Variants in EYS observed in about 807,000 individuals in gnomAD.
EYS encodes EGF-like photoreceptor maintenance factor.
Under a neutral mutation model 282.1 loss-of-function variants are expected in EYS, and 250 were observed. The observed-to-expected ratio is 0.89, with a 90% CI of 0.80 to 0.98. The LOEUF is 0.98. EYS is among the 50% of genes least tolerant of loss of function. The pLI, the probability that EYS is intolerant of heterozygous loss-of-function variation, is 0.00. For synonymous variants in EYS, 1,355 were observed against 1,282.9 expected, an observed-to-expected ratio of 1.06 and a Z score of -1.20; for missense variants, 4,016 against 3,709.0, an observed-to-expected ratio of 1.08 and a Z score of -2.15.
At chr6:64,404,567 C>G (rs926506645) in intron 28 of EYS, among the ~76,000 whole-genome samples, 1 of 152,174 alleles carries the variant, frequency 6.6e-6, no homozygotes, top group Non-Finnish European at 1.5e-5. Context: ...TACCACGTGT[C>G]AGGCAAGACA....
intron 10 of EYS, among the ~76,000 whole-genome samples, chr6:65,338,049 T>C (rs1770053665): frequency 6.6e-6 from 1 of 151,218 alleles, no homozygotes; most frequent in Non-Finnish European, 1.5e-5. Context: ...CCACATAACA[T>C]TTTGTCTAAG....
At chr6:65,621,455 G>A (rs1209075612) in intron 2 of EYS, among the ~76,000 whole-genome samples, 3 of 150,400 alleles carry the variant, frequency 2.0e-5, no homozygotes, top group South Asian at 2.2e-4. Context: ...GTCTCTGCAC[G>A]TGAGATGGGT....
chr6:64,963,057 G>A lies in EYS; in HGVS notation c.2260-17143C>T, dbSNP rs151218690. 9.9e-3 allele frequency among the ~76,000 whole-genome samples: 1,502 copies of A among 152,136 alleles called. 25 individuals are homozygous for A. Among genetic ancestry groups the A allele is most frequent in the African/African-American group, 0.034 (1,399 of 41,494 alleles). On this transcript the variant is annotated intron_variant, in intron 14 of 42. Transcript: ENST00000503581. ...AAAAGATATGCATATGAATGTGTGC[G>A]TGCATGTATTATTCTGAGTGTCACT...
intron 26 of EYS, among the ~76,000 whole-genome samples, chr6:64,584,964 T>A (rs1182011161): frequency 6.6e-6 from 1 of 152,134 alleles, no homozygotes; most frequent in African/African-American, 2.4e-5. Context: ...GACCCAGCAA[T>A]ATCGTTACTG....
At chr6:64,784,633 C>T (rs368495469) in intron 22 of EYS, among the ~76,000 whole-genome samples, 31 of 152,074 alleles carry the variant, frequency 2.0e-4, no homozygotes, top group African/African-American at 7.5e-4. Context: ...GAGGTTTCAG[C>T]TGTCTTAGAT....
At chr6:65,401,998 G>A (rs1439927222) in intron 7 of EYS, among the ~76,000 whole-genome samples, 1 of 151,744 alleles carries the variant, frequency 6.6e-6, no homozygotes, top group Non-Finnish European at 1.5e-5. Flanking sequence ...AGTAATCTGT[G>A]GCAAATTATT....
At chr6:64,686,410 CA>C (rs1259135422) in intron 22 of EYS, among the ~76,000 whole-genome samples, 1 of 151,462 alleles carries the variant, frequency 6.6e-6, no homozygotes, top group Non-Finnish European at 1.5e-5. Context: ...CAAACATTAC[CA>C]ATATGATAAA....
chr6:64,470,971 A>G (rs73767817), intron 26 of EYS, among the ~76,000 whole-genome samples: 5,728 of 152,256 alleles, frequency 0.038, 339 homozygotes, highest in African/African-American at 0.13. Context: ...ACATCCATAC[A>G]TAAAAAGCTG....
At chr6:63,982,820 A>G (rs890209951) in intron 35 of EYS, among the ~76,000 whole-genome samples, 1 of 151,748 alleles carries the variant, frequency 6.6e-6, no homozygotes, top group African/African-American at 2.4e-5. Context: ...AGAAAACACA[A>G]TTCTTGTAAC....
intron 5 of EYS, among the ~76,000 whole-genome samples, chr6:65,440,630 A>G (rs1157133079): frequency 1.3e-5 from 2 of 151,256 alleles, no homozygotes; most frequent in Non-Finnish European, 3.0e-5. Flanking sequence ...CATTTCCTCC[A>G]TAAACATCCT....
intron 2 of EYS, among the ~76,000 whole-genome samples, chr6:65,631,726 G>A (rs1436193013): frequency 2.0e-5 from 3 of 152,114 alleles, no homozygotes; most frequent in Non-Finnish European, 4.4e-5. Context: ...ATAAGATTGT[G>A]TCAGCAGTTC....
chr6:65,431,710 T>G (rs1767896591), intron 5 of EYS, among the ~76,000 whole-genome samples: 1 of 152,080 alleles, frequency 6.6e-6, no homozygotes, highest in Non-Finnish European at 1.5e-5. Context: ...AATATCTGTG[T>G]CACATTATCT....
At chr6:65,701,576 G>A (rs1372366814) in intron 1 of EYS, among the ~76,000 whole-genome samples, 1 of 152,034 alleles carries the variant, frequency 6.6e-6, no homozygotes, top group Non-Finnish European at 1.5e-5. Flanking sequence ...TGACTACCCA[G>A]TCTAAAATAC....
chr6:65,407,506 G>A (rs759366935), intron 5 of EYS, among the ~76,000 whole-genome samples: 5 of 151,948 alleles, frequency 3.3e-5, no homozygotes, highest in East Asian at 1.9e-4. Context: ...TGCCCGTCTC[G>A]GCCTCCCAAA....
intron 38 of EYS, 90 bp from the exon 39 acceptor site, chr6:63,788,339 G>A: frequency 9.1e-7 from 1 of 1,099,692 alleles, no homozygotes; most frequent in Non-Finnish European, 1.3e-6. Flanking sequence ...CCATTAACTT[G>A]GCATGAAAAA....
At chr6:64,862,096 C>T (rs578005728) in intron 19 of EYS, among the ~76,000 whole-genome samples, 65 of 152,274 alleles carry the variant, frequency 4.3e-4, no homozygotes, top group Non-Finnish European at 8.1e-4. Context: ...TGATATTTTT[C>T]TCTCAACACT....
chr6:65,258,646 A>C (rs1158459099), intron 12 of EYS, among the ~76,000 whole-genome samples: 1 of 152,090 alleles, frequency 6.6e-6, no homozygotes, highest in Non-Finnish European at 1.5e-5. Context: ...ATCAGACATT[A>C]TGAGAGCAAG....
intron 22 of EYS, among the ~76,000 whole-genome samples, chr6:64,715,469 A>G (rs149045811): frequency 0.038 from 5,849 of 152,254 alleles, 248 homozygotes; most frequent in East Asian, 0.14. Flanking sequence ...GTTGTCTCAA[A>G]CATACTTTTA....
intron 2 of EYS, among the ~76,000 whole-genome samples, chr6:65,616,252 A>G (rs1352911454): frequency 1.3e-5 from 2 of 152,022 alleles, no homozygotes; most frequent in Non-Finnish European, 2.9e-5. Context: ...CTGCTCTGTG[A>G]GTTTCTTCAC....
Sources: gnomAD v4.1 joint callset for allele counts (sites outside exome capture counted in the v4.1 genomes callset) on GRCh38, gnomAD v4.1.1 for gene constraint, MANE v1.5 for transcripts, NCBI Gene and HGNC (gene_info 2026-07-23, HGNC 2026-07-21) for gene names.